The following TXNDC11 variants were observed in gnomAD, a reference collection of about 807,000 sequenced individuals.
The protein encoded by TXNDC11 is thioredoxin domain-containing protein 11.
TXNDC11 carries 68 observed loss-of-function variants against 78.0 expected under a neutral mutation model. That is an observed-to-expected ratio of 0.87 (90% confidence interval 0.72 to 1.07). The LOEUF (loss-of-function observed/expected upper bound fraction) is 1.07. TXNDC11 is among the 50% of genes least tolerant of loss of function. The probability of loss-of-function intolerance (pLI) is 0.00; values close to 1 mark genes in which losing one functional copy is unlikely to be tolerated. For synonymous variants in TXNDC11, 571 were observed against 495.2 expected (o/e 1.15, Z -2.03); for missense variants, 1,389 against 1,221.8 (o/e 1.14, Z -2.04).
intron 7 of TXNDC11, among the ~76,000 whole-genome samples, chr16:11,695,758 T>G (rs1163388049): frequency 1.3e-5 from 2 of 152,090 alleles, no homozygotes; most frequent in Non-Finnish European, 2.9e-5. Flanking sequence ...ATGGGCCAGG[T>G]GCAGTGGCTC....
chr16:11,721,788 T>G (rs2051715392), intron 4 of TXNDC11, 118 bp from the exon 5 acceptor site: 1 of 566,138 alleles, frequency 1.8e-6, no homozygotes, highest in Non-Finnish European at 3.1e-6. Context: ...TTGCCTTTCA[T>G]TTTTTCAAAA....
intron 5 of TXNDC11, among the ~76,000 whole-genome samples, chr16:11,717,434 GAAAAAAA>G (rs58884197): frequency 1.4e-4 from 9 of 62,330 alleles, no homozygotes; most frequent in Admixed American, 9.2e-4. Context: ...GACTCCAAAT[GAAAAAAA>G]AAAAAAAAAA....
intron 7 of TXNDC11, among the ~76,000 whole-genome samples, chr16:11,696,498 GAGCTTCCC>G (rs1214786989): frequency 6.6e-6 from 1 of 152,146 alleles, no homozygotes; most frequent in Non-Finnish European, 1.5e-5. Context: ...TTCTCCCCTG[GAGCTTCCC>G]AGCACAGTGC....
chr16:11,737,803 A>G (rs2052269538), intron 1 of TXNDC11, among the ~76,000 whole-genome samples: 1 of 149,168 alleles, frequency 6.7e-6, no homozygotes, highest in African/African-American at 2.5e-5. Context: ...GTGAGCCAAG[A>G]TCATGCCATT....
Position 11,709,259 on chromosome 16 carries a change from C to CTTTTTTT in TXNDC11, c.794-8702_794-8696dup, listed in dbSNP as rs60926291. On this transcript the variant is annotated intron_variant, in intron 5 of 11. Transcript: ENST00000283033. ...AACATGTAACTTATAAGCTGTGATT[C>CTTTTTTT]TTTTTTTTTTGAGACAGAGTCTCGC... 9.1e-5 allele frequency among the ~76,000 whole-genome samples: 13 copies of CTTTTTTT among 142,286 alleles called. 1 individual carries two copies. The highest frequency in any genetic ancestry group is 9.2e-5 in the Non-Finnish European group (6 of 65,382). 93.3% of individuals were successfully genotyped at this position (142,286 alleles called of 152,430 possible).
chr16:11,682,251 C>CT (rs1444768389), intron 11 of TXNDC11, among the ~76,000 whole-genome samples: 1 of 152,232 alleles, frequency 6.6e-6, no homozygotes, highest in Non-Finnish European at 1.5e-5. Context: ...GATGAGCATA[C>CT]TTTACTTCTA....
intron 4 of TXNDC11, among the ~76,000 whole-genome samples, chr16:11,726,364 C>G (rs951822068): frequency 2.0e-5 from 3 of 151,982 alleles, no homozygotes; most frequent in Non-Finnish European, 4.4e-5. Flanking sequence ...AGGCAGATCA[C>G]GAGGTCAAGA....
At chr16:11,695,611 C>T (rs752220801) in intron 7 of TXNDC11, among the ~76,000 whole-genome samples, 2 of 152,206 alleles carry the variant, frequency 1.3e-5, no homozygotes, top group Admixed American at 6.5e-5. Context: ...ATAGACCCTA[C>T]TTTCCACCCT....
At chr16:11,694,636 C>T (rs981556166) in intron 7 of TXNDC11, among the ~76,000 whole-genome samples, 2 of 152,164 alleles carry the variant, frequency 1.3e-5, no homozygotes, top group Admixed American at 1.3e-4. Flanking sequence ...TTAGTAGAGA[C>T]GAGGTTTCAC....
At position 11,742,787 on chromosome 16, in the gene TXNDC11, C is replaced by A. The variant is rs959833855; in HGVS notation, c.-57G>T. On this transcript the variant is annotated 5_prime_UTR_variant, in exon 1 of 12. Coordinates refer to ENST00000283033, the MANE Select transcript of TXNDC11 (RefSeq NM_015914.7). ...CGCCGCCGCCTCGGGCCCGAAGGCC[C>A]GGCCCGGCCCGTTGCTCCCCAATCC... The A allele has an allele frequency of 3.6e-6, 5 of 1,397,406 alleles. No homozygotes were observed. In the African/African-American group the frequency reaches 4.5e-5, roughly 13 times the overall value. The allele number at this position is 1,397,406 out of a possible 1,614,324, so 86.6% of individuals were successfully genotyped here.
At chr16:11,698,464 C>G in intron 6 of TXNDC11, 139 bp from the exon 7 acceptor site, 1 of 678,130 alleles carries the variant, frequency 1.5e-6, no homozygotes, top group Non-Finnish European at 2.5e-6. Flanking sequence ...CACTGTGCAG[C>G]TAACACCCGC....
intron 5 of TXNDC11, among the ~76,000 whole-genome samples, chr16:11,719,375 T>C (rs1230518238): frequency 6.6e-6 from 1 of 152,258 alleles, no homozygotes; most frequent in Non-Finnish European, 1.5e-5. Flanking sequence ...CTAAGTCTGC[T>C]TAGTCACTTG....
Position 11,691,757 on chromosome 16 carries a change from T to G in TXNDC11, c.1433A>C (p.Lys478Thr). ...MAAALDSFYLKEQTFYHVASD... is the reference protein window; with the variant it reads ...MAAALDSFYLTEQTFYHVASD... Reference sequence around the variant, plus strand: ...TGCCACATGATAAAAGGTCTGCTCCTTGAGGTAGAAAGAATCCAGAGCTGC... The same window carrying G: ...TGCCACATGATAAAAGGTCTGCTCCGTGAGGTAGAAAGAATCCAGAGCTGC... Residue 478 changes from lysine to threonine, a missense_variant, in exon 8 of 12, where the codon AAG becomes ACG. Transcript: ENST00000283033. 1 of 1,614,226 alleles carries G rather than the reference T, an allele frequency of 6.2e-7. No homozygotes were observed. The highest frequency in any genetic ancestry group is 8.5e-7 in the Non-Finnish European group (1 of 1,180,032).
At position 11,742,804 on chromosome 16, in the gene TXNDC11, C is replaced by T; in HGVS notation, c.-74G>A. 1 of 1,383,990 alleles carries T rather than the reference C, an allele frequency of 7.2e-7. No individual in the cohort carries two copies. The highest frequency in any genetic ancestry group is 9.3e-7 in the Non-Finnish European group (1 of 1,074,660). 85.7% of individuals were successfully genotyped at this position (1,383,990 alleles called of 1,614,324 possible). A position where few individuals can be genotyped will look rare whatever the true frequency, so the allele number is the denominator to read the frequency against. ...CGAAGGCCCGGCCCGGCCCGTTGCT[C>T]CCCAATCCCGCAGCTCGCCGCACCC... is the stretch of plus-strand genomic sequence containing the variant. On this transcript the variant is annotated 5_prime_UTR_variant, in exon 1 of 12. Coordinates refer to ENST00000283033, the MANE Select transcript of TXNDC11 (RefSeq NM_015914.7).
chr16:11,705,902 G>C (rs1019094268), intron 5 of TXNDC11, among the ~76,000 whole-genome samples: 28 of 152,172 alleles, frequency 1.8e-4, no homozygotes, highest in Admixed American at 1.7e-3. Flanking sequence ...TCCTTATCCA[G>C]AGTGTTTTCT....
At chr16:11,694,430 T>C (rs764289568) in intron 7 of TXNDC11, among the ~76,000 whole-genome samples, 5 of 151,600 alleles carry the variant, frequency 3.3e-5, no homozygotes, top group Admixed American at 6.6e-5. Flanking sequence ...ATTGTAAGCA[T>C]GAGCCACCGC....
At chr16:11,739,176 G>A (rs948763906) in intron 1 of TXNDC11, among the ~76,000 whole-genome samples, 1 of 152,156 alleles carries the variant, frequency 6.6e-6, no homozygotes, top group Admixed American at 6.5e-5. Flanking sequence ...TAAAGTACAA[G>A]GCCAATCAAA....
intron 4 of TXNDC11, among the ~76,000 whole-genome samples, chr16:11,725,389 G>C (rs1043103058): frequency 1.3e-5 from 2 of 150,910 alleles, no homozygotes; most frequent in Non-Finnish European, 2.9e-5. Flanking sequence ...CCAAATTAAG[G>C]AGCCAACATC....
At chr16:11,734,140 T>C (rs565605019) in intron 2 of TXNDC11, 61 bp from the exon 3 acceptor site, 4 of 1,096,614 alleles carry the variant, frequency 3.6e-6, no homozygotes, top group Non-Finnish European at 5.4e-6. Context: ...TTACCAAGAT[T>C]TAAAAGATGA....
Sources: gnomAD v4.1 joint callset for allele counts (sites outside exome capture counted in the v4.1 genomes callset) on GRCh38, gnomAD v4.1.1 for gene constraint, MANE v1.5 for transcripts, NCBI Gene and HGNC (gene_info 2026-07-23, HGNC 2026-07-21) for gene names.